Variants in C1QB observed in about 807,000 individuals in gnomAD.
The protein encoded by C1QB is complement C1q B chain.
Under a neutral mutation model 4.6 loss-of-function variants are expected in C1QB, and 2 were observed. The ratio of observed to expected loss-of-function variants is 0.43; its 90% CI spans 0.18 to 1.36. The LOEUF is 1.36. Among genes scored for constraint, C1QB ranks in the 40% most tolerant of loss-of-function variants. The pLI, the probability that C1QB is intolerant of heterozygous loss-of-function variation, is 0.28. For synonymous variants in C1QB, 132 were observed against 137.1 expected (o/e 0.96, Z 0.26); for missense variants, 292 against 338.0 (o/e 0.86, Z 1.07).
chr1:22,653,503 T>C (rs1288153869), intron 1 of C1QB, among the ~76,000 whole-genome samples, 200 bp downstream of exon 1: 1 of 152,144 alleles, frequency 6.6e-6, no homozygotes, highest in East Asian at 1.9e-4. Context: ...ACCCAGGGCC[T>C]AGCGGATGGG....
Position 22,661,445 on chromosome 1 carries a change from C to A in C1QB, c.*59C>A. 1 of 1,591,088 alleles carries A rather than the reference C, an allele frequency of 6.3e-7. No homozygotes were observed. On this transcript the variant is annotated 3_prime_UTR_variant, in exon 3 of 3. Transcript: ENST00000509305. ...CCTGCCAGCAACGCTCACTCTACCCCCAACACCACCCCTTGCCCAACCAAT... is the reference window on the plus strand; with the variant it reads ...CCTGCCAGCAACGCTCACTCTACCCACAACACCACCCCTTGCCCAACCAAT...
At position 22,661,600 on chromosome 1, in the gene C1QB, G is replaced by A. The variant is rs1253276600; in HGVS notation, c.*214G>A. 4.9e-6 allele frequency: 3 copies of A among 612,292 alleles called. No individual in the cohort carries two copies. Among genetic ancestry groups the A allele is most frequent in the African/African-American group, 3.7e-5 (2 of 54,376 alleles). The allele number at this position is 612,292 out of a possible 1,614,324, so 37.9% of individuals were successfully genotyped here. On this transcript the variant is annotated 3_prime_UTR_variant, in exon 3 of 3. Transcript: ENST00000509305. ...CACCAGAAGTGCCATGCTCAGAAAT[G>A]TTGGTTACATGAATGAATGAACCAT... is the stretch of plus-strand genomic sequence containing the variant.
chr1:22,657,145 C>T (rs1642542264), intron 1 of C1QB, among the ~76,000 whole-genome samples: 1 of 152,102 alleles, frequency 6.6e-6, no homozygotes, highest in African/African-American at 2.4e-5. Flanking sequence ...ACCTTCAGCC[C>T]CACTCCCCTC....
At position 22,661,593 on chromosome 1, in the gene C1QB, C is replaced by T. The variant is rs769535436; in HGVS notation, c.*207C>T. 3.2e-6 allele frequency: 2 copies of T among 622,412 alleles called. No individual in the cohort carries two copies. The highest frequency in any genetic ancestry group is 5.7e-6 in the Non-Finnish European group (2 of 350,564). The allele number at this position is 622,412 out of a possible 1,614,324, so 38.6% of individuals were successfully genotyped here. On this transcript the variant is annotated 3_prime_UTR_variant, in exon 3 of 3. Coordinates refer to ENST00000509305, the MANE Select transcript of C1QB (RefSeq NM_001378156.1). ...CCTGGCACACCAGAAGTGCCATGCT[C>T]AGAAATGTTGGTTACATGAATGAAT...
chr1:22,655,178 G>T (rs567280679), intron 1 of C1QB, among the ~76,000 whole-genome samples: 1 of 152,214 alleles, frequency 6.6e-6, no homozygotes, highest in African/African-American at 2.4e-5. Flanking sequence ...ACTTATTAAA[G>T]TTGTTAAATT....
intron 1 of C1QB, among the ~76,000 whole-genome samples, chr1:22,657,824 G>A (rs72651399): frequency 0.23 from 35,319 of 152,156 alleles, 4,485 homozygotes; most frequent in Admixed American, 0.31. Flanking sequence ...GAGAGCTAAT[G>A]GCATGGAACA....
intron 1 of C1QB, among the ~76,000 whole-genome samples, chr1:22,655,705 T>C (rs1016768458): frequency 2.6e-5 from 4 of 152,208 alleles, no homozygotes; most frequent in Non-Finnish European, 5.9e-5. Context: ...GCAATAGCAG[T>C]AGCAGCCACA....
intron 2 of C1QB, 143 bp from the exon 3 acceptor site, chr1:22,660,669 G>A: frequency 1.2e-6 from 1 of 805,088 alleles, no homozygotes; most frequent in Non-Finnish European, 2.1e-6. Context: ...GGGAGACCCA[G>A]AGCCCCTGCC....
chr1:22,658,953 AG>A (rs1461570626), intron 1 of C1QB, among the ~76,000 whole-genome samples: 3 of 67,174 alleles, frequency 4.5e-5, no homozygotes, highest in African/African-American at 2.7e-4. Context: ...ATGGATGGAG[AG>A]GAGGATGGAT....
chr1:22,660,560 C>G (rs1037698846), intron 2 of C1QB, among the ~76,000 whole-genome samples: 3 of 152,084 alleles, frequency 2.0e-5, no homozygotes, highest in Admixed American at 6.5e-5. Flanking sequence ...GGAGGAGGGC[C>G]GGCCTAGCAC....
At chr1:22,657,607 T>A (rs936082259) in intron 1 of C1QB, among the ~76,000 whole-genome samples, 1 of 152,182 alleles carries the variant, frequency 6.6e-6, no homozygotes, top group Non-Finnish European at 1.5e-5. Flanking sequence ...GAGAAGAAAC[T>A]GCTTAACGGG....
chr1:22,661,187 G>C lies in C1QB; in HGVS notation c.557G>C (p.Arg186Pro). 6.2e-7 allele frequency: 1 copy of C among 1,614,044 alleles called. No individual in the cohort carries two copies. Residue 186 changes from arginine to proline, a missense_variant, in exon 3 of 3, where the codon CGG (arginine) becomes CCG (proline). Transcript: ENST00000509305. ...GNLCVNLMRG[R>P]ERAQKVVTFC... is the part of the protein sequence containing the mutation. Reference sequence around the variant, plus strand: ...CTGTGCGTGAACCTCATGCGTGGCCGGGAGCGTGCACAGAAGGTGGTCACC... The same window carrying C: ...CTGTGCGTGAACCTCATGCGTGGCCCGGAGCGTGCACAGAAGGTGGTCACC...
chr1:22,659,559 C>T lies in C1QB; in HGVS notation c.97C>T (p.Pro33Ser). The T allele has an allele frequency of 1.2e-6, 2 of 1,614,048 alleles. No homozygotes were observed. The highest frequency in any genetic ancestry group is 1.7e-6 in the Non-Finnish European group (2 of 1,179,974). The stretch of plus-strand genomic sequence containing the variant: ...GGCCCAGCTCAGCTGCACCGGGCCC[C>T]CAGCCATCCCTGGCATCCCGGGTAT... ...SQAQLSCTGP[P>S]AIPGIPGIPG... The change falls in exon 2 of 3, where the codon CCA becomes TCA. Residue 33 changes from proline to serine, a missense_variant. Physicochemically the swap from Pro to Ser is moderately conservative, Grantham distance 74. Coordinates refer to ENST00000509305, the MANE Select transcript of C1QB (RefSeq NM_001378156.1).
intron 1 of C1QB, among the ~76,000 whole-genome samples, chr1:22,657,773 C>T (rs1642549502): frequency 2.0e-5 from 3 of 152,128 alleles, no homozygotes; most frequent in Non-Finnish European, 4.4e-5. Context: ...AATATATAGG[C>T]TGAGGGTTAA....
At chr1:22,653,765 C>G (rs1032552001) in intron 1 of C1QB, among the ~76,000 whole-genome samples, 3 of 152,186 alleles carry the variant, frequency 2.0e-5, no homozygotes, top group Non-Finnish European at 4.4e-5. Context: ...GGATTATAAG[C>G]CAGTCGCTCC....
intron 1 of C1QB, among the ~76,000 whole-genome samples, chr1:22,656,769 C>T (rs1164816098): frequency 6.6e-6 from 1 of 152,142 alleles, no homozygotes; most frequent in African/African-American, 2.4e-5. Context: ...AGACTGCTCC[C>T]CCTCAGACAC....
intron 2 of C1QB, among the ~76,000 whole-genome samples, chr1:22,660,203 T>C (rs940105173): frequency 3.3e-5 from 5 of 152,174 alleles, no homozygotes; most frequent in African/African-American, 1.2e-4. Context: ...TTCATCCCCA[T>C]TTCACAGATG....
In C1QB at chr1:22,661,183, G is replaced by A. The variant is rs1642616669; in HGVS notation, c.553G>A (p.Gly185Ser). The A allele has an allele frequency of 6.2e-7, 1 of 1,613,974 alleles. No homozygotes were observed. Among genetic ancestry groups the A allele is most frequent in the Non-Finnish European group, 8.5e-7 (1 of 1,180,018 alleles). Residue 185 changes from glycine (G) to serine (S), a missense_variant, in exon 3 of 3, where the codon GGC becomes AGC. Transcript: ENST00000509305. ...GAACCTGTGCGTGAACCTCATGCGT[G>A]GCCGGGAGCGTGCACAGAAGGTGGT... ...RGNLCVNLMR[G>S]RERAQKVVTF...
chr1:22,659,384 A>T (rs1196377155), intron 1 of C1QB, 56 bp from the exon 2 acceptor site: 1 of 1,480,116 alleles, frequency 6.8e-7, no homozygotes, highest in Non-Finnish European at 9.4e-7. Flanking sequence ...GGATGGATGG[A>T]TGGATGGATG....
Sources: gnomAD v4.1 joint callset for allele counts (sites outside exome capture counted in the v4.1 genomes callset) on GRCh38, gnomAD v4.1.1 for gene constraint, MANE v1.5 for transcripts, NCBI Gene and HGNC (gene_info 2026-07-23, HGNC 2026-07-21) for gene names.